Variants in FAM107B observed in about 807,000 individuals in gnomAD.
FAM107B encodes protein FAM107B.
In FAM107B, 21 loss-of-function variants were observed where a neutral mutation model predicts 31.5. The observed-to-expected ratio is 0.67, with a 90% CI of 0.47 to 0.96. FAM107B has a LOEUF of 0.96. Ranked by LOEUF, FAM107B falls within the 40% of genes least tolerant of loss-of-function variation. The probability of loss-of-function intolerance (pLI) is 0.00; values close to 1 mark genes in which losing one functional copy is unlikely to be tolerated. For missense variants in FAM107B, 452 were observed against 377.1 expected, an observed-to-expected ratio of 1.20 and a Z score of -1.64; for synonymous variants, 157 against 141.5, an observed-to-expected ratio of 1.11 and a Z score of -0.78.
At chr10:14,614,028 G>C (rs940763448) in intron 2 of FAM107B, among the ~76,000 whole-genome samples, 1 of 152,160 alleles carries the variant, frequency 6.6e-6, no homozygotes, top group Non-Finnish European at 1.5e-5. Flanking sequence ...CTACTCGGGA[G>C]GCTGATACAG....
intron 2 of FAM107B, among the ~76,000 whole-genome samples, chr10:14,625,448 T>C (rs542407524): frequency 7.2e-5 from 11 of 152,198 alleles, no homozygotes; most frequent in Admixed American, 5.2e-4. Context: ...TGCTCTGAGA[T>C]GAAGCCTTTG....
intron 1 of FAM107B, among the ~76,000 whole-genome samples, chr10:14,768,378 C>T (rs756501755): frequency 7.2e-5 from 11 of 152,194 alleles, no homozygotes; most frequent in Non-Finnish European, 1.3e-4. Flanking sequence ...GGAAGTCTCA[C>T]ACTTTGAGAT....
At chr10:14,582,703 A>C (rs1378886733) in intron 2 of FAM107B, among the ~76,000 whole-genome samples, 2 of 151,998 alleles carry the variant, frequency 1.3e-5, no homozygotes, top group African/African-American at 4.8e-5. Context: ...CGTTGTACTG[A>C]GTACTTATTC....
chr10:14,530,293 TC>T, intron 3 of FAM107B, 38 bp downstream of exon 3: 1 of 1,566,640 alleles, frequency 6.4e-7, no homozygotes, highest in Non-Finnish European at 8.7e-7. Context: ...ATCTTAAAAG[TC>T]CTCTTAAAAA....
chr10:14,669,850 C>T (rs1854500490), intron 1 of FAM107B, among the ~76,000 whole-genome samples: 1 of 152,196 alleles, frequency 6.6e-6, no homozygotes, highest in Admixed American at 6.5e-5. Context: ...GCAATACATT[C>T]TAATGTTCAT....
intron 2 of FAM107B, chr10:14,554,022 T>C: frequency 1.2e-6 from 1 of 825,416 alleles, no homozygotes; most frequent in Non-Finnish European, 1.5e-6. Context: ...TGCTGCAAGG[T>C]TTGCCGCCTC....
intron 2 of FAM107B, among the ~76,000 whole-genome samples, chr10:14,620,175 T>C (rs533484600): frequency 5.3e-5 from 8 of 152,152 alleles, no homozygotes; most frequent in East Asian, 1.9e-4. Flanking sequence ...CGTGCCACCA[T>C]GCCCAGCTAA....
Position 14,719,230 on chromosome 10 carries a change from G to A in FAM107B, c.412-51539C>T, listed in dbSNP as rs192556375. Among the ~76,000 whole-genome samples, 16 of 152,220 alleles carry A rather than the reference G, an allele frequency of 1.1e-4. No individual in the cohort carries two copies. The East Asian group carries it at 1.5e-3, about 15-fold the overall frequency. On this transcript the variant is annotated intron_variant, in intron 1 of 4. Transcript: ENST00000181796. Reference sequence around the variant, plus strand: ...ATAACACACACTCAGGCCTGGGTTCGGGAGTCAGAGTTCCAGCCAGGGACG... The same window carrying A: ...ATAACACACACTCAGGCCTGGGTTCAGGAGTCAGAGTTCCAGCCAGGGACG...
At chr10:14,742,771 T>A (rs972113036) in intron 1 of FAM107B, among the ~76,000 whole-genome samples, 1 of 152,272 alleles carries the variant, frequency 6.6e-6, no homozygotes, top group African/African-American at 2.4e-5. Flanking sequence ...TCCTGCCCTA[T>A]CTTGTTTCTT....
intron 2 of FAM107B, chr10:14,542,665 T>A (rs1848325349): frequency 6.6e-6 from 1 of 152,214 alleles, no homozygotes; most frequent in Non-Finnish European, 1.5e-5. Context: ...AACAATTCTG[T>A]CTTCATTTGA....
At chr10:14,608,714 A>G (rs1335704527) in intron 2 of FAM107B, among the ~76,000 whole-genome samples, 1 of 152,254 alleles carries the variant, frequency 6.6e-6, no homozygotes, top group Non-Finnish European at 1.5e-5. Flanking sequence ...GTCTAGAAGA[A>G]TGATAGAAGT....
intron 2 of FAM107B, among the ~76,000 whole-genome samples, chr10:14,551,602 T>TG (rs397697753): frequency 6.6e-6 from 1 of 151,630 alleles, no homozygotes; most frequent in Non-Finnish European, 1.5e-5. Flanking sequence ...TTTTTTTTTT[T>TG]AAGGACACTA....
chr10:14,556,319 T>A, intron 2 of FAM107B: 1 of 982,530 alleles, frequency 1.0e-6, no homozygotes, highest in Non-Finnish European at 1.2e-6. Context: ...AAGTCATCAA[T>A]GGTGACTCCT....
intron 1 of FAM107B, among the ~76,000 whole-genome samples, chr10:14,767,087 G>GAGAGAGAC (rs1833194401): frequency 9.0e-6 from 1 of 111,330 alleles, no homozygotes; most frequent in Non-Finnish European, 1.8e-5. Context: ...GAGAGAGAGA[G>GAGAGAGAC]AGAGAGAGAG....
intron 2 of FAM107B, among the ~76,000 whole-genome samples, chr10:14,650,428 G>A (rs1482751618): frequency 6.6e-6 from 1 of 152,004 alleles, no homozygotes; most frequent in Non-Finnish European, 1.5e-5. Context: ...TGGGATTACA[G>A]GTACCCACCA....
intron 2 of FAM107B, among the ~76,000 whole-genome samples, chr10:14,575,066 CT>C (rs1851420534): frequency 6.6e-6 from 1 of 152,202 alleles, no homozygotes; most frequent in African/African-American, 2.4e-5. Context: ...ACTAAGTTAT[CT>C]GTATGAGTCA....
chr10:14,729,934 A>G (rs1028490241), intron 1 of FAM107B, among the ~76,000 whole-genome samples: 9 of 152,202 alleles, frequency 5.9e-5, no homozygotes, highest in African/African-American at 1.9e-4. Flanking sequence ...AAACTAACAC[A>G]GGAACAGAAA....
chr10:14,649,878 A>G (rs918000532), intron 2 of FAM107B, among the ~76,000 whole-genome samples: 9 of 152,194 alleles, frequency 5.9e-5, no homozygotes, highest in African/African-American at 2.2e-4. Flanking sequence ...TTGTTTGACC[A>G]TTACACATAA....
At chr10:14,602,174 A>G (rs1040996168) in intron 2 of FAM107B, among the ~76,000 whole-genome samples, 3 of 152,178 alleles carry the variant, frequency 2.0e-5, no homozygotes, top group African/African-American at 7.2e-5. Context: ...ATTCACTCAC[A>G]GGCTACTACT....
Sources: allele counts gnomAD v4.1 joint callset (sites outside exome capture counted in the v4.1 genomes callset), GRCh38; gene constraint gnomAD v4.1.1; transcripts MANE v1.5; gene names NCBI Gene and HGNC (gene_info 2026-07-23, HGNC 2026-07-21).